The following SFMBT2 variants were observed in gnomAD, a reference collection of about 807,000 sequenced individuals.
The protein encoded by SFMBT2 is scm-like with four MBT domains protein 2.
In SFMBT2, 38 loss-of-function variants were observed where a neutral mutation model predicts 110.1. The observed-to-expected ratio is 0.35, with a 90% confidence interval of 0.27 to 0.45. SFMBT2 has a LOEUF of 0.45. Ranked by LOEUF, SFMBT2 falls within the 20% of genes least tolerant of loss-of-function variation. The pLI is 1.00. For synonymous variants in SFMBT2, 425 were observed against 425.4 expected (o/e 1.00, Z 0.01); for missense variants, 1,011 against 1,094.9 (o/e 0.92, Z 1.08).
At chr10:7,336,213 CCTCA>C (rs1173877678) in intron 4 of SFMBT2, among the ~76,000 whole-genome samples, 1 of 152,168 alleles carries the variant, frequency 6.6e-6, no homozygotes, top group African/African-American at 2.4e-5. Flanking sequence ...TTACTTTTCT[CCTCA>C]CTGATTTCTT....
In SFMBT2 at chr10:7,160,857, C is replaced by T. The variant is rs900873607; in HGVS notation, c.*2913G>A. 3.9e-5 allele frequency: 6 copies of T among 152,302 alleles called. No homozygotes were observed. Among genetic ancestry groups the T allele is most frequent in the African/African-American group, 1.4e-4 (6 of 41,458 alleles). 9.4% of individuals were successfully genotyped at this position (152,302 alleles called of 1,614,324 possible). A position where few individuals can be genotyped will look rare whatever the true frequency, so the allele number is the denominator to read the frequency against. ...CCACGACGGAAATCCCCGGAGAATC[C>T]AGGCTCAGAAGGACACTGGCAACAG... On this transcript the variant is annotated 3_prime_UTR_variant, in exon 21 of 21. Coordinates refer to ENST00000397167, the MANE Select transcript of SFMBT2 (RefSeq NM_001387889.1).
At chr10:7,287,323 C>A (rs1485931211) in intron 4 of SFMBT2, 2 of 184,366 alleles carry the variant, frequency 1.1e-5, no homozygotes, top group African/African-American at 2.4e-5. Flanking sequence ...TCGTGATCCA[C>A]CCGCCTCGGC....
chr10:7,342,341 T>C (rs902950222), intron 4 of SFMBT2, among the ~76,000 whole-genome samples: 10 of 148,514 alleles, frequency 6.7e-5, no homozygotes, highest in Non-Finnish European at 3.0e-5. Flanking sequence ...AACCAGAATA[T>C]CCTTCTAGAA....
intron 17 of SFMBT2, among the ~76,000 whole-genome samples, chr10:7,173,706 C>A (rs995578397): frequency 1.3e-5 from 2 of 152,212 alleles, no homozygotes. Context: ...GACGCCTACT[C>A]ATTAATAAAA....
At chr10:7,313,290 T>C (rs1179504442) in intron 4 of SFMBT2, among the ~76,000 whole-genome samples, 1 of 152,070 alleles carries the variant, frequency 6.6e-6, no homozygotes, top group Admixed American at 6.5e-5. Context: ...GGTAAAAACC[T>C]AGAGGGGCGA....
chr10:7,332,071 A>G (rs1843577057), intron 4 of SFMBT2, among the ~76,000 whole-genome samples: 1 of 151,352 alleles, frequency 6.6e-6, no homozygotes, highest in East Asian at 1.9e-4. Context: ...TTCCAGACCT[A>G]CAGGTCATCT....
intron 12 of SFMBT2, chr10:7,204,611 A>C: frequency 1.6e-6 from 1 of 622,590 alleles, no homozygotes; most frequent in Non-Finnish European, 2.0e-6. Flanking sequence ...AGGCGTGGCC[A>C]AAGTGTAATT....
At chr10:7,290,079 G>A (rs937188215) in intron 4 of SFMBT2, among the ~76,000 whole-genome samples, 2 of 152,052 alleles carry the variant, frequency 1.3e-5, no homozygotes, top group Non-Finnish European at 2.9e-5. Flanking sequence ...TGAAACATCA[G>A]GAAACTCAAA....
chr10:7,309,808 A>T (rs1842799224), intron 4 of SFMBT2, among the ~76,000 whole-genome samples: 1 of 152,160 alleles, frequency 6.6e-6, no homozygotes, highest in Non-Finnish European at 1.5e-5. Context: ...GAGGAGGAGG[A>T]GGTGGGTGTC....
At chr10:7,221,082 T>C (rs1839718009) in intron 10 of SFMBT2, among the ~76,000 whole-genome samples, 2 of 151,220 alleles carry the variant, frequency 1.3e-5, no homozygotes, top group Non-Finnish European at 1.5e-5. Flanking sequence ...TGCCTCAGCC[T>C]CCCAAAGTGC....
chr10:7,201,711 G>C (rs1009633384), intron 13 of SFMBT2, among the ~76,000 whole-genome samples: 2 of 152,130 alleles, frequency 1.3e-5, no homozygotes, highest in Admixed American at 6.5e-5. Context: ...ACATTTTGGC[G>C]TATTTTAAAT....
chr10:7,267,533 C>T (rs1265696930), intron 7 of SFMBT2, among the ~76,000 whole-genome samples: 2 of 152,104 alleles, frequency 1.3e-5, no homozygotes, highest in Non-Finnish European at 1.5e-5. Context: ...CTGCAACCTC[C>T]GCCTCTCGGG....
At chr10:7,257,193 T>C (rs1319037002) in intron 7 of SFMBT2, among the ~76,000 whole-genome samples, 3 of 151,690 alleles carry the variant, frequency 2.0e-5, no homozygotes, top group Non-Finnish European at 2.9e-5. Flanking sequence ...AAAAGGAGTA[T>C]GGACAAACTG....
chr10:7,327,557 T>C (rs1843430833), intron 4 of SFMBT2, among the ~76,000 whole-genome samples: 1 of 152,072 alleles, frequency 6.6e-6, no homozygotes, highest in African/African-American at 2.4e-5. Flanking sequence ...AGCGTGTGCC[T>C]GTAATCCCAG....
At chr10:7,272,055 C>A (rs903428483) in intron 7 of SFMBT2, among the ~76,000 whole-genome samples, 10 of 152,124 alleles carry the variant, frequency 6.6e-5, no homozygotes, top group African/African-American at 2.4e-4. Flanking sequence ...CCTGGTACAG[C>A]AAGGAGGGGC....
intron 4 of SFMBT2, among the ~76,000 whole-genome samples, chr10:7,306,962 A>T (rs1038749881): frequency 6.6e-6 from 1 of 152,242 alleles, no homozygotes; most frequent in Admixed American, 6.5e-5. Flanking sequence ...CTCATGCCAA[A>T]GCATCCCTGA....
At chr10:7,183,604 T>C (rs1479574994) in intron 16 of SFMBT2, among the ~76,000 whole-genome samples, 1 of 152,128 alleles carries the variant, frequency 6.6e-6, no homozygotes, top group South Asian at 2.1e-4. Flanking sequence ...AATTCCCTCT[T>C]TGGGGGCAGC....
Position 7,197,685 on chromosome 10 carries a change from T to A in SFMBT2, c.1561A>T (p.Thr521Ser). ...GGACAGCAGTATTTCCCGTTGACGGTTCCTGCAGGGGACAGCAACATAGTC... is the reference window on the plus strand; with the variant it reads ...GGACAGCAGTATTTCCCGTTGACGGATCCTGCAGGGGACAGCAACATAGTC... ...CLFPHLDTTG[T>S]VNGKYCCPQL... The change falls in exon 15 of 21, where the codon ACC (threonine) becomes TCC (serine). Residue 521 changes from threonine to serine, a missense_variant and splice_region_variant. By Grantham distance (58) the Thr-to-Ser change is moderately conservative (BLOSUM62 1). Transcript: ENST00000397167. 2 of 1,613,726 alleles carry A rather than the reference T, an allele frequency of 1.2e-6. No homozygotes were observed. Among genetic ancestry groups the A allele is most frequent in the Non-Finnish European group, 1.7e-6 (2 of 1,179,938 alleles).
intron 4 of SFMBT2, among the ~76,000 whole-genome samples, chr10:7,330,863 A>T (rs928813366): frequency 5.9e-5 from 9 of 152,266 alleles, no homozygotes; most frequent in African/African-American, 2.2e-4. Context: ...CTCTCATCTG[A>T]CTTCTGATGC....
Sources: allele counts gnomAD v4.1 joint callset (sites outside exome capture counted in the v4.1 genomes callset), GRCh38; gene constraint gnomAD v4.1.1; transcripts MANE v1.5; gene names NCBI Gene and HGNC (gene_info 2026-07-23, HGNC 2026-07-21).